The following PICALM variants were observed in gnomAD, a reference collection of about 807,000 sequenced individuals.
The protein encoded by PICALM is phosphatidylinositol binding clathrin assembly protein, also known as phosphatidylinositol-binding clathrin assembly protein.
In PICALM, 40 loss-of-function variants were observed where a neutral mutation model predicts 80.5. The observed-to-expected ratio is 0.50, with a 90% CI of 0.39 to 0.65. The LOEUF is 0.65. Ranked by LOEUF, PICALM falls within the 30% of genes least tolerant of loss-of-function variation. The pLI is 0.00. For synonymous variants in PICALM, 288 were observed against 260.3 expected, an observed-to-expected ratio of 1.11 and a Z score of -1.02; for missense variants, 676 against 778.9, an observed-to-expected ratio of 0.87 and a Z score of 1.57.
chr11:86,041,263 A>C (rs1285429097), intron 1 of PICALM, among the ~76,000 whole-genome samples: 2 of 152,200 alleles, frequency 1.3e-5, no homozygotes, highest in East Asian at 3.8e-4. Flanking sequence ...GTAGAAAGCA[A>C]CAATATTCTA....
intron 17 of PICALM, among the ~76,000 whole-genome samples, chr11:85,977,807 C>T (rs1469710114): frequency 1.3e-5 from 2 of 152,078 alleles, no homozygotes; most frequent in Non-Finnish European, 2.9e-5. Context: ...ATAGTGGCAG[C>T]ACAGATACAC....
At chr11:86,048,259 A>G (rs1047585436) in intron 1 of PICALM, among the ~76,000 whole-genome samples, 3 of 152,214 alleles carry the variant, frequency 2.0e-5, no homozygotes, top group African/African-American at 7.2e-5. Context: ...TTTTTAAGTT[A>G]GTACCTATGG....
In PICALM at chr11:86,012,745, A is replaced by G. The variant is rs371315378; in HGVS notation, c.547-353T>C. 1.7e-3 allele frequency among the ~76,000 whole-genome samples: 253 copies of G among 152,280 alleles called. 1 individual carries two copies. Among genetic ancestry groups the G allele is most frequent in the African/African-American group, 5.8e-3 (240 of 41,554 alleles). ...TTAACTCGTTATATATAGAAAAACT[A>G]AGCACAAAATTGAATGGCAAACAAA... On this transcript the variant is annotated intron_variant, in intron 5 of 19. Transcript: ENST00000393346.
intron 12 of PICALM, among the ~76,000 whole-genome samples, chr11:85,993,564 G>A (rs190883555): frequency 7.4e-5 from 11 of 149,440 alleles, no homozygotes; most frequent in South Asian, 4.2e-4. Flanking sequence ...TCAGCTTCCC[G>A]AGTAGCTGGG....
At chr11:86,068,479 C>CA (rs1449571425) in intron 1 of PICALM, among the ~76,000 whole-genome samples, 172 bp downstream of exon 1, 2 of 151,810 alleles carry the variant, frequency 1.3e-5, no homozygotes, top group Non-Finnish European at 2.9e-5. Flanking sequence ...GCCGTGAAGG[C>CA]AGGTGTGATG....
chr11:85,987,537 A>G (rs1165726369), intron 13 of PICALM, among the ~76,000 whole-genome samples: 1 of 152,274 alleles, frequency 6.6e-6, no homozygotes, highest in Non-Finnish European at 1.5e-5. Context: ...AAAGCAATAA[A>G]GAAAAAATCA....
rs186484492 is a variant in PICALM at position 85,976,737 on chromosome 11, G to C, written c.1780-55C>G. 10 of 1,016,534 alleles carry C rather than the reference G, an allele frequency of 9.8e-6. No individual in the cohort carries two copies. The East Asian group carries it at 2.4e-4, about 24-fold the overall frequency. The allele number at this position is 1,016,534 out of a possible 1,614,324, so 63.0% of individuals were successfully genotyped here. ...AAAGTATAACTCATGTGTGTCAACT[G>C]AGTTCAAGGAATTAGTAGCTGTAGT... On this transcript the variant is annotated intron_variant, in intron 17 of 19. Coordinates refer to ENST00000393346, the MANE Select transcript of PICALM (RefSeq NM_007166.4).
chr11:85,970,073 T>C (rs1156337677), intron 19 of PICALM, among the ~76,000 whole-genome samples: 1 of 152,082 alleles, frequency 6.6e-6, no homozygotes, highest in Non-Finnish European at 1.5e-5. Flanking sequence ...ACAAATAATG[T>C]CCAAAAACTA....
chr11:86,062,239 G>A (rs765225274), intron 1 of PICALM, among the ~76,000 whole-genome samples: 6 of 152,144 alleles, frequency 3.9e-5, no homozygotes, highest in African/African-American at 1.2e-4. Flanking sequence ...AACCTTGGCC[G>A]GGCGCAGTGG....
intron 1 of PICALM, among the ~76,000 whole-genome samples, chr11:86,053,836 G>C (rs574045193): frequency 2.0e-5 from 3 of 152,074 alleles, no homozygotes; most frequent in Non-Finnish European, 2.9e-5. Flanking sequence ...CCAAAGTTCT[G>C]GAATTACAGG....
At chr11:85,990,511 A>C (rs1302966495) in intron 12 of PICALM, 112 bp from the exon 13 acceptor site, 1 of 490,014 alleles carries the variant, frequency 2.0e-6, no homozygotes, top group East Asian at 3.5e-5. Context: ...ATTGTTTATT[A>C]ATCTTAAATA....
chr11:85,982,480 T>C (rs2094470878), intron 14 of PICALM, among the ~76,000 whole-genome samples: 1 of 134,148 alleles, frequency 7.5e-6, no homozygotes, highest in South Asian at 2.5e-4. Flanking sequence ...GACTGCGGAC[T>C]GCAGTGGCGC....
At chr11:85,988,836 G>A (rs1182818469) in intron 13 of PICALM, among the ~76,000 whole-genome samples, 2 of 152,072 alleles carry the variant, frequency 1.3e-5, no homozygotes, top group Non-Finnish European at 2.9e-5. Flanking sequence ...AACATATTCC[G>A]TTTGCATAAA....
At chr11:85,970,738 G>A (rs1020048305) in intron 19 of PICALM, among the ~76,000 whole-genome samples, 2 of 152,192 alleles carry the variant, frequency 1.3e-5, no homozygotes, top group Admixed American at 6.5e-5. Context: ...AGGAGGCAGA[G>A]GCTGCAGTGA....
At position 86,068,967 on chromosome 11, in the gene PICALM, C is replaced by G. The variant is rs1335382651; in HGVS notation, c.-187G>C. On this transcript the variant is annotated 5_prime_UTR_variant, in exon 1 of 20. Coordinates refer to ENST00000393346, the MANE Select transcript of PICALM (RefSeq NM_007166.4). Reference sequence around the variant, plus strand: ...CCAGAGAGAACCGGCTCGTGTCACCCGCGGAGTCGGACAAGATGTCGGGCA... The same window carrying G: ...CCAGAGAGAACCGGCTCGTGTCACCGGCGGAGTCGGACAAGATGTCGGGCA... 1 of 693,954 alleles carries G rather than the reference C, an allele frequency of 1.4e-6. No homozygotes were observed. Among genetic ancestry groups the G allele is most frequent in the Non-Finnish European group, 2.3e-6 (1 of 435,530 alleles). 43.0% of individuals were successfully genotyped at this position (693,954 alleles called of 1,614,324 possible). A position where few individuals can be genotyped will look rare whatever the true frequency, so the allele number is the denominator to read the frequency against.
intron 1 of PICALM, among the ~76,000 whole-genome samples, chr11:86,038,068 C>T (rs1310076850): frequency 6.6e-6 from 1 of 152,214 alleles, no homozygotes; most frequent in African/African-American, 2.4e-5. Context: ...GCCTATAATC[C>T]CAACACTATG....
At chr11:86,007,293 G>T in intron 8 of PICALM, 1 of 244,712 alleles carries the variant, frequency 4.1e-6, no homozygotes. Context: ...ATGATGATGG[G>T]AAAGAAAGAG....
chr11:85,971,707 G>A (rs1294915645), intron 19 of PICALM, among the ~76,000 whole-genome samples: 1 of 150,488 alleles, frequency 6.6e-6, no homozygotes, highest in African/African-American at 2.5e-5. Flanking sequence ...CTGTACTCGA[G>A]TCTGGGTGAC....
At chr11:86,015,506 T>C (rs2095467792) in intron 4 of PICALM, among the ~76,000 whole-genome samples, 1 of 152,198 alleles carries the variant, frequency 6.6e-6, no homozygotes, top group African/African-American at 2.4e-5. Context: ...AGAACAATTT[T>C]ACCAAATCAT....
Sources: gnomAD v4.1 joint callset for allele counts (sites outside exome capture counted in the v4.1 genomes callset) on GRCh38, gnomAD v4.1.1 for gene constraint, MANE v1.5 for transcripts, NCBI Gene and HGNC (gene_info 2026-07-23, HGNC 2026-07-21) for gene names.